Variants in CADM1 observed in about 807,000 individuals in gnomAD.
The protein encoded by CADM1 is cell adhesion molecule 1.
A neutral mutation model predicts 53.1 loss-of-function variants in CADM1; 15 were observed. The observed-to-expected ratio is 0.28, with a 90% CI of 0.19 to 0.44. CADM1 has a LOEUF of 0.44. Ranked by LOEUF, CADM1 falls within the 20% of genes least tolerant of loss-of-function variation. CADM1 has a pLI of 1.00. For missense variants in CADM1, 434 were observed against 611.3 expected, an observed-to-expected ratio of 0.71 and a Z score of 3.06; for synonymous variants, 281 against 243.0, an observed-to-expected ratio of 1.16 and a Z score of -1.45.
chr11:115,288,299 A>G lies in CADM1; in HGVS notation c.125-47879T>C. ...CCTCACACATAGCTCCAAATGAAAT[A>G]CTTTTCTTCCAGAAGTCCAGGAGAA... On this transcript the variant is annotated intron_variant, in intron 1 of 11. Coordinates refer to ENST00000331581, the MANE Select transcript of CADM1 (RefSeq NM_001301043.2). 1.3e-5 allele frequency among the ~76,000 whole-genome samples: 2 copies of G among 152,180 alleles called. 1 individual carries two copies. Among genetic ancestry groups the G allele is most frequent in the Middle Eastern group, 6.3e-3 (2 of 316 alleles).
intron 9 of CADM1, chr11:115,194,117 GT>G (rs1425745920): frequency 6.6e-6 from 1 of 152,200 alleles, no homozygotes; most frequent in Non-Finnish European, 1.5e-5. Flanking sequence ...CTTTGCTCTT[GT>G]GTAGAACGTA....
At chr11:115,420,384 G>A (rs748951880) in intron 1 of CADM1, among the ~76,000 whole-genome samples, 4 of 152,144 alleles carry the variant, frequency 2.6e-5, no homozygotes, top group Non-Finnish European at 1.5e-5. Context: ...GGTGTCACAG[G>A]TGTATTGATA....
intron 1 of CADM1, among the ~76,000 whole-genome samples, chr11:115,258,887 A>ATTTAT (rs1209236073): frequency 1.3e-5 from 2 of 152,196 alleles, no homozygotes; most frequent in Admixed American, 1.3e-4. Context: ...TTTTTAGATG[A>ATTTAT]TTGTAGCTCA....
In CADM1 at chr11:115,491,618, T is replaced by C. The variant is rs190707279; in HGVS notation, c.124+12653A>G. On this transcript the variant is annotated intron_variant, in intron 1 of 11. Coordinates refer to ENST00000331581, the MANE Select transcript of CADM1 (RefSeq NM_001301043.2). ...TCCTTCCACTATCCAAGTAAAACTA[T>C]GAACTTGGAAGGAAGAAATGGGAGA... Among the ~76,000 whole-genome samples, 119 of 151,842 alleles carry C rather than the reference T, an allele frequency of 7.8e-4. No homozygotes were observed. The East Asian group carries it at 0.02, about 25-fold the overall frequency.
chr11:115,179,926 G>A (rs557191437), intron 10 of CADM1, among the ~76,000 whole-genome samples: 4 of 152,238 alleles, frequency 2.6e-5, no homozygotes, highest in South Asian at 4.1e-4. Context: ...TGCAGTTGCT[G>A]GATGCCTAAG....
rs528072517 is a variant in CADM1 at position 115,378,194 on chromosome 11, T to C, written c.124+126077A>G. ...TGGGATCAATTTATGGACTCTGCTATTGTTAATGACCACGCAGGGAGAGTA... is the reference window on the plus strand; with the variant it reads ...TGGGATCAATTTATGGACTCTGCTACTGTTAATGACCACGCAGGGAGAGTA... On this transcript the variant is annotated intron_variant, in intron 1 of 11. Transcript: ENST00000331581. 4.5e-4 allele frequency among the ~76,000 whole-genome samples: 68 copies of C among 152,182 alleles called. 1 individual carries two copies. The highest frequency in any genetic ancestry group is 8.5e-4 in the Admixed American group (13 of 15,276).
chr11:115,337,161 T>C (rs1021898018), intron 1 of CADM1, among the ~76,000 whole-genome samples: 6 of 152,252 alleles, frequency 3.9e-5, no homozygotes, highest in Middle Eastern at 3.4e-3. Context: ...TTCCCGGCTC[T>C]TTCAGGGTTT....
chr11:115,250,161 G>C (rs113919952), intron 1 of CADM1, among the ~76,000 whole-genome samples: 6,333 of 152,132 alleles, frequency 0.042, 436 homozygotes, highest in African/African-American at 0.14. Flanking sequence ...CCTCAGCCTC[G>C]CAAAGTGCTG....
intron 1 of CADM1, among the ~76,000 whole-genome samples, chr11:115,366,552 T>TCATC (rs1224560282): frequency 2.0e-5 from 3 of 152,126 alleles, no homozygotes; most frequent in African/African-American, 7.2e-5. Context: ...TTTCTTCCAC[T>TCATC]CATCACACAA....
chr11:115,432,885 G>C (rs1054127339), intron 1 of CADM1, among the ~76,000 whole-genome samples: 2 of 152,182 alleles, frequency 1.3e-5, no homozygotes, highest in Non-Finnish European at 2.9e-5. Context: ...ATGCACTTCT[G>C]AGAGTTTGTT....
intron 1 of CADM1, among the ~76,000 whole-genome samples, chr11:115,329,419 A>G (rs1029316716): frequency 4.6e-5 from 7 of 152,008 alleles, no homozygotes; most frequent in Admixed American, 3.3e-4. Context: ...CTCTATCACT[A>G]TGAAACGGGA....
rs1177179853 is a variant in CADM1, at chr11:115,169,690, G to T, written c.*6784C>A. ...ATAGTAATTTCGTCACTAGCTAACA[G>T]AGACTGATTAGTGCAGAAGATTCCC... On this transcript the variant is annotated 3_prime_UTR_variant, in exon 12 of 12. Transcript: ENST00000331581. 35 of 454,898 alleles carry T rather than the reference G, an allele frequency of 7.7e-5. No individual in the cohort carries two copies. The highest frequency in any genetic ancestry group is 9.4e-5 in the Admixed American group (4 of 42,360). 28.2% of individuals were successfully genotyped at this position (454,898 alleles called of 1,614,324 possible).
intron 1 of CADM1, among the ~76,000 whole-genome samples, chr11:115,264,245 T>G (rs1251425032): frequency 6.6e-6 from 1 of 152,232 alleles, no homozygotes; most frequent in Non-Finnish European, 1.5e-5. Flanking sequence ...ATTGGGAGTT[T>G]AAAATACAAA....
chr11:115,247,543 C>T (rs377722358), intron 1 of CADM1, among the ~76,000 whole-genome samples: 1 of 152,158 alleles, frequency 6.6e-6, no homozygotes, highest in Non-Finnish European at 1.5e-5. Flanking sequence ...CAGACAACCA[C>T]AAGGGGGTTA....
chr11:115,180,725 G>A (rs12793500), intron 10 of CADM1, among the ~76,000 whole-genome samples: 12 of 151,866 alleles, frequency 7.9e-5, no homozygotes, highest in African/African-American at 1.5e-4. Flanking sequence ...GGAGGAGAGC[G>A]CTTGACACAC....
rs1018324467 is a variant in CADM1, at chr11:115,381,097, C to A, written c.124+123174G>T. 2.6e-5 allele frequency among the ~76,000 whole-genome samples: 4 copies of A among 152,020 alleles called. No individual in the cohort carries two copies. In the South Asian group the frequency reaches 6.2e-4, roughly 24 times the overall value. ...GGATCACAAGGTCAGGAGTTCGAGACCAGCCTGGCCAAGGTGGTGAAACCC... is the reference window on the plus strand; with the variant it reads ...GGATCACAAGGTCAGGAGTTCGAGAACAGCCTGGCCAAGGTGGTGAAACCC... On this transcript the variant is annotated intron_variant, in intron 1 of 11. Coordinates refer to ENST00000331581, the MANE Select transcript of CADM1 (RefSeq NM_001301043.2).
At chr11:115,326,591 T>C (rs1054555726) in intron 1 of CADM1, among the ~76,000 whole-genome samples, 1 of 152,172 alleles carries the variant, frequency 6.6e-6, no homozygotes, top group Non-Finnish European at 1.5e-5. Flanking sequence ...TTTAAAAATC[T>C]CAGAAACTAA....
rs1938811155 is a variant in CADM1 at position 115,172,158 on chromosome 11, G to A, written c.*4316C>T. 1 of 152,300 alleles carries A rather than the reference G, an allele frequency of 6.6e-6. No homozygotes were observed. The highest frequency in any genetic ancestry group is 6.5e-5 in the Admixed American group (1 of 15,282). 9.4% of individuals were successfully genotyped at this position (152,300 alleles called of 1,614,324 possible). On this transcript the variant is annotated 3_prime_UTR_variant, in exon 12 of 12. Coordinates refer to ENST00000331581, the MANE Select transcript of CADM1 (RefSeq NM_001301043.2). The stretch of plus-strand genomic sequence containing the variant: ...CTCACCCGAGGTTTCACTGCTACAT[G>A]GTGGGACAGGGATCTGAATGCAGGC...
At chr11:115,261,542 TA>T (rs1656165565) in intron 1 of CADM1, among the ~76,000 whole-genome samples, 1 of 152,232 alleles carries the variant, frequency 6.6e-6, no homozygotes. Flanking sequence ...TGAAGGGGTG[TA>T]TGTGTGCAAT....
Sources: gnomAD v4.1 joint callset for allele counts (sites outside exome capture counted in the v4.1 genomes callset) on GRCh38, gnomAD v4.1.1 for gene constraint, MANE v1.5 for transcripts, NCBI Gene and HGNC (gene_info 2026-07-23, HGNC 2026-07-21) for gene names.